The following MACROD2 variants were observed in gnomAD, a reference collection of about 807,000 sequenced individuals.
MACROD2 encodes mono-ADP ribosylhydrolase 2, also known as ADP-ribose glycohydrolase MACROD2.
MACROD2 carries 36 observed loss-of-function variants against 70.4 expected under a neutral mutation model. That is an observed-to-expected ratio of 0.51 (90% CI 0.39 to 0.68). The LOEUF (loss-of-function observed/expected upper bound fraction) is 0.68, where lower values mean the gene tolerates loss of function less well. Among genes scored for constraint, MACROD2 ranks in the 30% least tolerant of loss-of-function variants. MACROD2 has a pLI of 0.00. For missense variants in MACROD2, 496 were observed against 538.4 expected (o/e 0.92, Z 0.78); for synonymous variants, 172 against 178.8 (o/e 0.96, Z 0.30).
At chr20:14,140,250 TAC>T (rs1264363792) in intron 3 of MACROD2, among the ~76,000 whole-genome samples, 1 of 152,230 alleles carries the variant, frequency 6.6e-6, no homozygotes, top group Non-Finnish European at 1.5e-5. Flanking sequence ...CTGGCTTTCT[TAC>T]AGAGTAGATG....
chr20:14,832,944 A>G (rs906258174), intron 5 of MACROD2, among the ~76,000 whole-genome samples: 7 of 152,106 alleles, frequency 4.6e-5, no homozygotes, highest in Admixed American at 3.9e-4. Flanking sequence ...CATGTAGTAA[A>G]TGTAACCTCA....
chr20:15,010,967 C>T (rs1325506943), intron 5 of MACROD2, among the ~76,000 whole-genome samples: 1 of 152,160 alleles, frequency 6.6e-6, no homozygotes, highest in Non-Finnish European at 1.5e-5. Flanking sequence ...TTTGGAGTGA[C>T]ATCCTCAAAG....
chr20:15,546,167 C>T (rs375714402), intron 8 of MACROD2, among the ~76,000 whole-genome samples: 3 of 152,126 alleles, frequency 2.0e-5, no homozygotes, highest in Non-Finnish European at 2.9e-5. Flanking sequence ...ATTGCTTGAA[C>T]CTGGGAAGCG....
chr20:14,805,737 G>A (rs1358221549), intron 5 of MACROD2, among the ~76,000 whole-genome samples: 3 of 151,958 alleles, frequency 2.0e-5, no homozygotes, highest in Non-Finnish European at 2.9e-5. Flanking sequence ...CTATCCATAC[G>A]TCTAACAAGA....
chr20:15,461,599 A>G (rs1327415470), intron 7 of MACROD2, among the ~76,000 whole-genome samples: 1 of 152,208 alleles, frequency 6.6e-6, no homozygotes, highest in Non-Finnish European at 1.5e-5. Flanking sequence ...TAATACAAGG[A>G]TAATAATACC....
intron 8 of MACROD2, among the ~76,000 whole-genome samples, chr20:15,650,356 T>C (rs2049625051): frequency 6.6e-6 from 1 of 152,218 alleles, no homozygotes; most frequent in East Asian, 1.9e-4. Context: ...TTTGAGTCTC[T>C]GAAAAAAAAT....
chr20:14,331,454 A>G lies in MACROD2; in HGVS notation c.272-162025A>G, dbSNP rs1188646912. Among the ~76,000 whole-genome samples, 5 of 152,144 alleles carry G rather than the reference A, an allele frequency of 3.3e-5. No individual in the cohort carries two copies. The East Asian group carries it at 9.6e-4, about 29-fold the overall frequency. On this transcript the variant is annotated intron_variant, in intron 3 of 17. Coordinates refer to ENST00000684519, the MANE Select transcript of MACROD2 (RefSeq NM_001351661.2). ...ACAATAGTGGTAATAATGTGGGATT[A>G]ACAGAAAGCCTTAAATCTCATTAAG...
chr20:15,592,462 T>C (rs902592148), intron 8 of MACROD2, among the ~76,000 whole-genome samples: 2 of 152,226 alleles, frequency 1.3e-5, no homozygotes, highest in African/African-American at 4.8e-5. Flanking sequence ...CTGCAACATA[T>C]GGACTGTCAC....
At chr20:15,520,781 T>G (rs2047642354) in intron 8 of MACROD2, among the ~76,000 whole-genome samples, 1 of 152,224 alleles carries the variant, frequency 6.6e-6, no homozygotes, top group South Asian at 2.1e-4. Flanking sequence ...GTTTAGATAT[T>G]CTCTGATCAA....
chr20:14,481,897 G>C (rs906993578), intron 3 of MACROD2, among the ~76,000 whole-genome samples: 2 of 152,136 alleles, frequency 1.3e-5, no homozygotes, highest in African/African-American at 4.8e-5. Flanking sequence ...ATACATAATA[G>C]ATGCTTAGAA....
chr20:14,792,823 T>A (rs1357185899), intron 5 of MACROD2, among the ~76,000 whole-genome samples: 1 of 152,122 alleles, frequency 6.6e-6, no homozygotes, highest in East Asian at 1.9e-4. Flanking sequence ...CCCTTATTTA[T>A]TAGAATGGTG....
chr20:15,435,181 C>G (rs1465086019), intron 7 of MACROD2, among the ~76,000 whole-genome samples: 3 of 151,932 alleles, frequency 2.0e-5, no homozygotes, highest in Non-Finnish European at 4.4e-5. Flanking sequence ...AATAAAAATA[C>G]AATTTAAAAA....
chr20:14,493,333 C>T, intron 3 of MACROD2, 146 bp from the exon 4 acceptor site: 1 of 486,164 alleles, frequency 2.1e-6, no homozygotes, highest in Non-Finnish European at 3.6e-6. Context: ...GTAATACAGG[C>T]TGTCTTTAAA....
intron 8 of MACROD2, among the ~76,000 whole-genome samples, chr20:15,834,499 C>T (rs1277412706): frequency 5.3e-5 from 8 of 152,266 alleles, no homozygotes; most frequent in East Asian, 1.9e-4. Flanking sequence ...TCCGTTGCCC[C>T]GGTTAGATTC....
At chr20:14,413,652 G>A (rs2083772796) in intron 3 of MACROD2, among the ~76,000 whole-genome samples, 1 of 152,134 alleles carries the variant, frequency 6.6e-6, no homozygotes, top group African/African-American at 2.4e-5. Flanking sequence ...AATGACACAA[G>A]TTTCATGTGG....
chr20:15,856,074 C>T (rs2064353472), intron 8 of MACROD2, among the ~76,000 whole-genome samples: 1 of 152,112 alleles, frequency 6.6e-6, no homozygotes, highest in South Asian at 2.1e-4. Flanking sequence ...AAGACATGTA[C>T]ATATTCAGCT....
chr20:15,069,560 C>T (rs765343274), intron 5 of MACROD2, among the ~76,000 whole-genome samples: 6 of 152,212 alleles, frequency 3.9e-5, no homozygotes, highest in East Asian at 1.9e-4. Flanking sequence ...GCCCAAGGCT[C>T]CACTTTCCTT....
chr20:14,147,350 T>C (rs1057159693), intron 3 of MACROD2, among the ~76,000 whole-genome samples: 2 of 152,204 alleles, frequency 1.3e-5, no homozygotes, highest in African/African-American at 4.8e-5. Flanking sequence ...TGAGCCTCAG[T>C]TTTCTTATCT....
At chr20:15,739,592 T>G (rs1292537372) in intron 8 of MACROD2, among the ~76,000 whole-genome samples, 2 of 152,118 alleles carry the variant, frequency 1.3e-5, no homozygotes, top group Non-Finnish European at 2.9e-5. Flanking sequence ...GAAGTTAATC[T>G]TAGTAAGGAC....
Sources: gnomAD v4.1 joint callset for allele counts (sites outside exome capture counted in the v4.1 genomes callset) on GRCh38, gnomAD v4.1.1 for gene constraint, MANE v1.5 for transcripts, NCBI Gene and HGNC (gene_info 2026-07-23, HGNC 2026-07-21) for gene names.